Variants in CACNG4 observed in about 807,000 individuals in gnomAD.
CACNG4 encodes the protein calcium voltage-gated channel auxiliary subunit gamma 4.
In CACNG4, 8 loss-of-function variants were observed where a neutral mutation model predicts 22.9. The ratio of observed to expected loss-of-function variants is 0.35; its 90% CI spans 0.21 to 0.63. The LOEUF is 0.63. Ranked by LOEUF, CACNG4 falls within the 30% of genes least tolerant of loss-of-function variation. The pLI, the probability that CACNG4 is intolerant of heterozygous loss-of-function variation, is 0.72. For synonymous variants in CACNG4, 188 were observed against 191.9 expected, an observed-to-expected ratio of 0.98 and a Z score of 0.17; for missense variants, 357 against 455.4, an observed-to-expected ratio of 0.78 and a Z score of 1.97.
At chr17:67,028,526 C>T (rs2035582097) in intron 3 of CACNG4, among the ~76,000 whole-genome samples, 1 of 151,558 alleles carries the variant, frequency 6.6e-6, no homozygotes, top group South Asian at 2.1e-4. Flanking sequence ...GCACTCCAGC[C>T]TGGGGGACAG....
chr17:67,019,932 A>C (rs1353488935), intron 2 of CACNG4: 1 of 152,270 alleles, frequency 6.6e-6, no homozygotes, highest in Non-Finnish European at 1.5e-5. Context: ...GTCAAACAGG[A>C]TGAATGAAGG....
At position 67,018,264 on chromosome 17, in the gene CACNG4, A is replaced by T. The variant is rs1284709622; in HGVS notation, c.296A>T (p.Tyr99Phe). The T allele has an allele frequency of 1.2e-6, 2 of 1,613,394 alleles. No homozygotes were observed. Among genetic ancestry groups the T allele is most frequent in the Non-Finnish European group, 1.7e-6 (2 of 1,179,400 alleles). ...DNDYDHDSSE[Y>F]LLRIVRASSV... ...GACTACGACCACGACAGCTCGGAGT[A>T]CCTCCTCCGTGAGTGTCAGGAGGCC... The change falls in exon 2 of 4, where the codon TAC becomes TTC. Residue 99 changes from tyrosine (Y) to phenylalanine (F), a missense_variant. Physicochemically the swap from Tyr to Phe is conservative, Grantham distance 22 (BLOSUM62 3). Around this residue, in one of 3 missense-constraint regions of CACNG4, gnomAD observed 114 missense variants for 161.6 expected, o/e 0.71. Coordinates refer to ENST00000262138, the MANE Select transcript of CACNG4 (RefSeq NM_014405.4).
intron 1 of CACNG4, among the ~76,000 whole-genome samples, chr17:67,013,546 C>A (rs1424217503): frequency 6.6e-6 from 1 of 151,998 alleles, no homozygotes; most frequent in African/African-American, 2.4e-5. Flanking sequence ...GGCTCACACC[C>A]GTAAACCCAG....
In CACNG4 at chr17:67,030,931, A is replaced by G. The variant is rs768326835; in HGVS notation, c.911A>G (p.His304Arg). The G allele has an allele frequency of 1.2e-6, 2 of 1,613,616 alleles. No homozygotes were observed. The highest frequency in any genetic ancestry group is 1.7e-6 in the Non-Finnish European group (2 of 1,180,026). Residue 304 changes from histidine to arginine, a missense_variant, in exon 4 of 4, where the codon CAT (histidine) becomes CGT (arginine). Around this residue, in one of 3 missense-constraint regions of CACNG4, gnomAD observed 240 missense variants for 277.6 expected, o/e 0.86. Coordinates refer to ENST00000262138, the MANE Select transcript of CACNG4 (RefSeq NM_014405.4). This position sits in a 1 kb window ranked among gnomAD's most constrained non-coding sequence, Gnocchi z 6.4. ...CAGGAGGCCAGCTTCCTGCAGGTGC[A>G]TGACTTTTTCCAGCAGGACCTGAAG... is the stretch of plus-strand genomic sequence containing the variant. ...PDQEASFLQV[H>R]DFFQQDLKEG...
At chr17:67,028,380 C>A (rs939139751) in intron 3 of CACNG4, among the ~76,000 whole-genome samples, 2 of 151,982 alleles carry the variant, frequency 1.3e-5, no homozygotes, top group African/African-American at 4.8e-5. Flanking sequence ...GGTGAAACCC[C>A]GTCTCTACTA....
chr17:67,023,002 A>C (rs978847799), intron 2 of CACNG4, among the ~76,000 whole-genome samples: 1 of 152,206 alleles, frequency 6.6e-6, no homozygotes, highest in East Asian at 1.9e-4. Context: ...GGAAGCCAGA[A>C]GCCCGAAGTC....
intron 1 of CACNG4, among the ~76,000 whole-genome samples, chr17:66,994,096 C>T (rs933088660): frequency 2.6e-5 from 4 of 151,860 alleles, no homozygotes; most frequent in Admixed American, 1.3e-4. Flanking sequence ...TTTGGGAGGC[C>T]GAGGTGAGAG....
chr17:66,981,954 G>C (rs931845396), intron 1 of CACNG4, among the ~76,000 whole-genome samples: 4 of 152,190 alleles, frequency 2.6e-5, no homozygotes, highest in African/African-American at 9.6e-5. Context: ...AATTTTTAGA[G>C]ATACGGTCTC....
Position 67,032,521 on chromosome 17 carries a change from T to G in CACNG4, c.*1517T>G, listed in dbSNP as rs2035614436. 1 of 161,972 alleles carries G rather than the reference T, an allele frequency of 6.2e-6. No individual in the cohort carries two copies. Among genetic ancestry groups the G allele is most frequent in the South Asian group, 1.7e-4 (1 of 6,012 alleles). 10.0% of individuals were successfully genotyped at this position (161,972 alleles called of 1,614,324 possible). ...CAGCTACCTGCTCACAGCCCATGGG[T>G]GGACTCGGCCCCCTGGGGTTCAGAC... On this transcript the variant is annotated 3_prime_UTR_variant, in exon 4 of 4. Coordinates refer to ENST00000262138, the MANE Select transcript of CACNG4 (RefSeq NM_014405.4).
At chr17:66,993,114 C>T (rs2035351650) in intron 1 of CACNG4, among the ~76,000 whole-genome samples, 1 of 152,208 alleles carries the variant, frequency 6.6e-6, no homozygotes, top group Admixed American at 6.5e-5. Flanking sequence ...CACTGGGGCT[C>T]AGCCACCCCA....
At chr17:66,997,848 C>T (rs553339874) in intron 1 of CACNG4, among the ~76,000 whole-genome samples, 20 of 151,994 alleles carry the variant, frequency 1.3e-4, no homozygotes, top group Non-Finnish European at 8.8e-5. Context: ...AAAAAACCCA[C>T]ACCTGTGCAG....
At chr17:67,006,160 G>A (rs1476552352) in intron 1 of CACNG4, among the ~76,000 whole-genome samples, 2 of 152,184 alleles carry the variant, frequency 1.3e-5, no homozygotes, top group African/African-American at 4.8e-5. Context: ...TGGGTGAGCA[G>A]GGGCTGCCGT....
chr17:67,009,987 G>A (rs1033310948), intron 1 of CACNG4, among the ~76,000 whole-genome samples: 8 of 151,342 alleles, frequency 5.3e-5, no homozygotes, highest in African/African-American at 1.5e-4. Flanking sequence ...CCCCATCCCA[G>A]CTCCTTCTTC....
intron 1 of CACNG4, among the ~76,000 whole-genome samples, chr17:67,001,547 C>T (rs188363760): frequency 5.3e-5 from 8 of 152,298 alleles, no homozygotes; most frequent in Middle Eastern, 3.4e-3. Flanking sequence ...CTCCCTGACC[C>T]GCTTACAGGC....
chr17:66,987,993 G>A (rs1439760881), intron 1 of CACNG4, among the ~76,000 whole-genome samples: 1 of 152,052 alleles, frequency 6.6e-6, no homozygotes, highest in Non-Finnish European at 1.5e-5. Context: ...AGGAGGCAGA[G>A]TGGGAGCCCT....
chr17:67,012,453 G>A (rs981974784), intron 1 of CACNG4, among the ~76,000 whole-genome samples: 4 of 152,126 alleles, frequency 2.6e-5, no homozygotes, highest in Non-Finnish European at 5.9e-5. Context: ...ACCAGGCATC[G>A]GGGAGGGGAG....
At chr17:67,015,713 A>G (rs147154917) in intron 1 of CACNG4, among the ~76,000 whole-genome samples, 28 of 152,310 alleles carry the variant, frequency 1.8e-4, no homozygotes, top group African/African-American at 6.7e-4. Context: ...TGCAGAGCAA[A>G]TCGGGAAAGA....
chr17:66,995,829 G>A (rs2035371363), intron 1 of CACNG4, among the ~76,000 whole-genome samples: 1 of 150,890 alleles, frequency 6.6e-6, no homozygotes, highest in African/African-American at 2.5e-5. Flanking sequence ...CGGCCTGGGT[G>A]ACAGAGCAAG....
chr17:67,029,505 G>T (rs993621011), intron 3 of CACNG4, among the ~76,000 whole-genome samples: 1 of 151,532 alleles, frequency 6.6e-6, no homozygotes, highest in East Asian at 1.9e-4. Flanking sequence ...GTGGTGGCGG[G>T]CGCCTGTAAT....
Sources: allele counts gnomAD v4.1 joint callset (sites outside exome capture counted in the v4.1 genomes callset), GRCh38; gene constraint gnomAD v4.1.1; regional missense constraint gnomAD v4.1.1; non-coding constraint Gnocchi (gnomAD v3.1); transcripts MANE v1.5; gene names NCBI Gene and HGNC (gene_info 2026-07-23, HGNC 2026-07-21).